The following TAF4 variants were observed in gnomAD, a reference collection of about 807,000 sequenced individuals.
TAF4 encodes TATA-box binding protein associated factor 4.
TAF4 carries 9 observed loss-of-function variants against 90.3 expected under a neutral mutation model. That is an observed-to-expected ratio of 0.10 (90% CI 0.06 to 0.17). The LOEUF (loss-of-function observed/expected upper bound fraction) is 0.17, where lower values mean the gene tolerates loss of function less well. Ranked by LOEUF, TAF4 falls within the 10% of genes least tolerant of loss-of-function variation. The pLI is 1.00. For synonymous variants in TAF4, 818 were observed against 638.9 expected (o/e 1.28, Z -4.23); for missense variants, 1,351 against 1,370.7 (o/e 0.99, Z 0.23).
chr20:62,063,370 C>T (rs921013199), intron 1 of TAF4, among the ~76,000 whole-genome samples: 3 of 152,240 alleles, frequency 2.0e-5, no homozygotes, highest in Admixed American at 1.3e-4. Flanking sequence ...CTGCTGCCAC[C>T]GCGCTGCTAC....
chr20:62,051,695 T>C (rs2145513888), intron 1 of TAF4, among the ~76,000 whole-genome samples: 1 of 151,752 alleles, frequency 6.6e-6, no homozygotes, highest in East Asian at 2.0e-4. Flanking sequence ...CCACAGTCCC[T>C]CCTCTGAGGG....
chr20:62,011,913 T>C (rs1325858504), intron 3 of TAF4, among the ~76,000 whole-genome samples: 1 of 152,226 alleles, frequency 6.6e-6, no homozygotes, highest in African/African-American at 2.4e-5. Flanking sequence ...TTCTCCCAGC[T>C]GCTTCCTGCT....
Position 61,978,784 on chromosome 20 carries a change from A to T in TAF4, c.3091-2449T>A, listed in dbSNP as rs184442479. 6.6e-5 allele frequency among the ~76,000 whole-genome samples: 10 copies of T among 152,358 alleles called. No individual in the cohort carries two copies. In the East Asian group the frequency reaches 1.9e-3, roughly 29 times the overall value. ...GCCACCCCCAGGGCCCAGCACGCTGAGAAACTGATGCCAGGCCCTGCTTCT... is the reference window on the plus strand; with the variant it reads ...GCCACCCCCAGGGCCCAGCACGCTGTGAAACTGATGCCAGGCCCTGCTTCT... On this transcript the variant is annotated intron_variant, in intron 14 of 14. Coordinates refer to ENST00000252996, the MANE Select transcript of TAF4 (RefSeq NM_003185.4).
chr20:62,047,121 T>C (rs548462233), intron 1 of TAF4, among the ~76,000 whole-genome samples: 19 of 152,352 alleles, frequency 1.2e-4, no homozygotes, highest in African/African-American at 4.1e-4. Context: ...CTAGGAAATC[T>C]TTCTCCAGCC....
chr20:61,993,207 T>C (rs1192497264), intron 14 of TAF4, among the ~76,000 whole-genome samples: 1 of 152,160 alleles, frequency 6.6e-6, no homozygotes, highest in Non-Finnish European at 1.5e-5. Context: ...CTAGTGGCCC[T>C]AGGCATGAAG....
chr20:62,012,962 C>A (rs775808368), intron 2 of TAF4, 28 bp from the exon 3 acceptor site: 1 of 1,610,668 alleles, frequency 6.2e-7, no homozygotes, highest in Non-Finnish European at 8.5e-7. Flanking sequence ...TCACCTAAAA[C>A]GAGCGCAAGT....
intron 14 of TAF4, among the ~76,000 whole-genome samples, chr20:61,990,122 A>G (rs2055622152): frequency 6.6e-6 from 1 of 152,180 alleles, no homozygotes; most frequent in Non-Finnish European, 1.5e-5. Context: ...GCTGCCTAGT[A>G]GCCACCTAAG....
chr20:62,050,768 C>T (rs1252448220), intron 1 of TAF4, among the ~76,000 whole-genome samples: 1 of 152,120 alleles, frequency 6.6e-6, no homozygotes, highest in Non-Finnish European at 1.5e-5. Flanking sequence ...GAAGAAGTCA[C>T]GGCAGAAAGG....
intron 1 of TAF4, among the ~76,000 whole-genome samples, chr20:62,061,677 T>C (rs1284479556): frequency 6.6e-6 from 1 of 152,244 alleles, no homozygotes; most frequent in Admixed American, 6.5e-5. Flanking sequence ...TATGACGTTA[T>C]GACTATCCTA....
chr20:61,976,400 G>A, intron 14 of TAF4, 65 bp from the exon 15 acceptor site: 11 of 1,574,262 alleles, frequency 7.0e-6, no homozygotes, highest in South Asian at 1.1e-5. Flanking sequence ...CAATGAGCCT[G>A]TGTATCTGAG....
chr20:62,010,027 G>A lies in TAF4; in HGVS notation c.1761+19C>T, dbSNP rs367793389. On this transcript the variant is annotated intron_variant, in intron 4 of 14. Coordinates refer to ENST00000252996, the MANE Select transcript of TAF4 (RefSeq NM_003185.4). The surrounding 1 kb of genome is among the most constrained non-coding windows in gnomAD (Gnocchi z 4.5). ...CGGGCCTGACCGTCTTTGAAGGCAC[G>A]GAAAGGAGTGGCTCTTACCGTGGCA... is the stretch of plus-strand genomic sequence containing the variant. 270 of 1,612,430 alleles carry A rather than the reference G, an allele frequency of 1.7e-4. 5 individuals carry two copies. The highest frequency in any genetic ancestry group is 1.3e-3 in the South Asian group (121 of 91,070).
At chr20:62,056,992 G>A (rs116958595) in intron 1 of TAF4, among the ~76,000 whole-genome samples, 3 of 152,256 alleles carry the variant, frequency 2.0e-5, no homozygotes, top group East Asian at 3.9e-4. Flanking sequence ...GTGCGTTCTG[G>A]GCATGCTCTG....
In TAF4 at chr20:62,000,193, C is replaced by G; in HGVS notation, c.2718G>C (p.Thr906=). The G allele has an allele frequency of 6.2e-7, 1 of 1,614,198 alleles. No individual in the cohort carries two copies. The highest frequency in any genetic ancestry group is 8.5e-7 in the Non-Finnish European group (1 of 1,180,034). The part of the protein sequence containing the change: ...PDVVSYVSHA[T]QQRLQNLVEK... ...CTACAAGATTCTGTAGCCTTTGTTG[C>G]GTGGCATGTGATACATAACTTACTA... Residue 906 remains threonine, a synonymous_variant, in exon 11 of 15, where the codon ACG becomes ACC. Transcript: ENST00000252996.
chr20:62,011,711 A>G (rs1192081330), intron 3 of TAF4, among the ~76,000 whole-genome samples: 1 of 152,138 alleles, frequency 6.6e-6, no homozygotes, highest in Non-Finnish European at 1.5e-5. Context: ...CTCAGCCTCC[A>G]TTTCACCACT....
intron 14 of TAF4, among the ~76,000 whole-genome samples, chr20:61,977,559 C>T (rs1363217923): frequency 4.6e-5 from 7 of 152,088 alleles, no homozygotes; most frequent in Non-Finnish European, 4.4e-5. Flanking sequence ...AGCATGGCTG[C>T]CTTGTGTGAT....
intron 14 of TAF4, among the ~76,000 whole-genome samples, chr20:61,988,927 A>C (rs1343966373): frequency 2.0e-5 from 3 of 152,084 alleles, no homozygotes; most frequent in Non-Finnish European, 2.9e-5. Flanking sequence ...AAAGTTCATC[A>C]ATGTGCCTTT....
rs1702439954 is a variant in TAF4, at chr20:62,065,298, G to A, written c.513C>T (p.Gly171=). Residue 171 remains glycine, a synonymous_variant, in exon 1 of 15, where the codon GGC becomes GGT. Transcript: ENST00000252996. ...GGCCGGGGCCGGGCCCGGGGCCGGG[G>A]CCGGCGCGGGCGGCCAGCGCGGCGG... ...AGPAALAARA[G]PGPGPGPGPG... 3.2e-6 allele frequency: 3 copies of A among 924,124 alleles called. 1 individual carries two copies. Among genetic ancestry groups the A allele is most frequent in the Non-Finnish European group, 3.8e-6 (3 of 781,074 alleles). The allele number at this position is 924,124 out of a possible 1,614,324, so 57.2% of individuals were successfully genotyped here. A position where few individuals can be genotyped will look rare whatever the true frequency, so the allele number is the denominator to read the frequency against.
intron 1 of TAF4, among the ~76,000 whole-genome samples, chr20:62,023,747 C>CAAAAAAAAAAAAA (rs59813943): frequency 1.7e-5 from 1 of 59,566 alleles, no homozygotes; most frequent in African/African-American, 6.9e-5. Flanking sequence ...GACTCCATCT[C>CAAAAAAAAAAAAA]AAAAAAAAAA....
At chr20:61,978,475 G>A (rs866757420) in intron 14 of TAF4, among the ~76,000 whole-genome samples, 1 of 137,824 alleles carries the variant, frequency 7.3e-6, no homozygotes, top group Non-Finnish European at 1.5e-5. Context: ...AAGGGAGGGC[G>A]CGACACCAAC....
Sources: gnomAD v4.1 joint callset for allele counts (sites outside exome capture counted in the v4.1 genomes callset) on GRCh38, gnomAD v4.1.1 for gene constraint, Gnocchi (gnomAD v3.1) non-coding constraint, MANE v1.5 for transcripts, NCBI Gene and HGNC (gene_info 2026-07-23, HGNC 2026-07-21) for gene names.